The following LRRK2 variants were observed in gnomAD, a reference collection of about 807,000 sequenced individuals.
LRRK2 encodes leucine-rich repeat serine/threonine-protein kinase 2.
In LRRK2, 203 loss-of-function variants were observed where a neutral mutation model predicts 302.6. That is an observed-to-expected ratio of 0.67 (90% CI 0.60 to 0.75). LRRK2 has a LOEUF of 0.75. Among genes scored for constraint, LRRK2 ranks in the 30% least tolerant of loss-of-function variants. The pLI is 0.00. For synonymous variants in LRRK2, 1,066 were observed against 1,031.9 expected (o/e 1.03, Z -0.63); for missense variants, 2,830 against 2,951.0 (o/e 0.96, Z 0.95).
At chr12:40,351,866 C>A in intron 44 of LRRK2, 133 bp downstream of exon 44, 1 of 953,318 alleles carries the variant, frequency 1.0e-6, no homozygotes, top group Non-Finnish European at 1.6e-6. Context: ...CAAGAGTATT[C>A]AAGAGCAAAT....
intron 23 of LRRK2, among the ~76,000 whole-genome samples, chr12:40,298,034 A>G (rs982797424): frequency 4.6e-5 from 7 of 151,872 alleles, no homozygotes; most frequent in Admixed American, 2.6e-4. Flanking sequence ...TTTACAATCT[A>G]CCTGTTGTAA....
chr12:40,242,167 A>G (rs1035821147), intron 6 of LRRK2, among the ~76,000 whole-genome samples: 1 of 152,126 alleles, frequency 6.6e-6, no homozygotes, highest in African/African-American at 2.4e-5. Flanking sequence ...ACTGAAAAAC[A>G]TTTGCTTTTC....
In LRRK2 at chr12:40,251,220, A is replaced by AT. The variant is rs1942255515; in HGVS notation, c.959-5dup. The AT allele has an allele frequency of 6.6e-7, 1 of 1,516,380 alleles. No individual in the cohort carries two copies. Among genetic ancestry groups the AT allele is most frequent in the South Asian group, 1.2e-5 (1 of 82,462 alleles). The allele number at this position is 1,516,380 out of a possible 1,614,324, so 93.9% of individuals were successfully genotyped here. A position where few individuals can be genotyped will look rare whatever the true frequency, so the allele number is the denominator to read the frequency against. ...ATATAATGTTTTTATATATTTTTCA[A>AT]TTTTTTTCAAGCTGAGACTATTTTC... On this transcript the variant is annotated splice_polypyrimidine_tract_variant and intron_variant, in intron 8 of 50. Coordinates refer to ENST00000298910, the MANE Select transcript of LRRK2 (RefSeq NM_198578.4).
chr12:40,325,233 G>A lies in LRRK2; in HGVS notation c.5656+1927G>A, dbSNP rs547333462. On this transcript the variant is annotated intron_variant, in intron 38 of 50. Transcript: ENST00000298910. ...ACCTGGGAGGCGGAGGTTGCAGTGA[G>A]CCGAGGTTGTGCCACTGCACTCCAG... is the stretch of plus-strand genomic sequence containing the variant. Among the ~76,000 whole-genome samples the A allele has an allele frequency of 2.0e-4, 30 of 152,288 alleles. 1 individual carries two copies. The South Asian group carries it at 6.0e-3, about 30-fold the overall frequency.
chr12:40,323,447 T>C, intron 38 of LRRK2, 141 bp downstream of exon 38: 3 of 781,116 alleles, frequency 3.8e-6, no homozygotes, highest in South Asian at 2.0e-5. Flanking sequence ...TGGAATGATA[T>C]ATTTTAAAGG....
Position 40,364,988 on chromosome 12 carries a change from G to C in LRRK2, c.7328G>C (p.Arg2443Pro), listed in dbSNP as rs774151010. 6.2e-7 allele frequency: 1 copy of C among 1,612,574 alleles called. No individual in the cohort carries two copies. Among genetic ancestry groups the C allele is most frequent in the Non-Finnish European group, 8.5e-7 (1 of 1,179,068 alleles). Residue 2443 changes from arginine (R) to proline (P), a missense_variant, in exon 49 of 51, where the codon CGA becomes CCA. Physicochemically the swap from Arg to Pro is moderately radical, Grantham distance 103. Coordinates refer to ENST00000298910, the MANE Select transcript of LRRK2 (RefSeq NM_198578.4). ...HILLLDLSTR[R>P]LIRVIYNFCN... is the part of the protein sequence containing the mutation. ...TTACTCCTGGATCTTTCAACTCGTC[G>C]ACTTATACGTGTAATTTACAACTTT... is the stretch of plus-strand genomic sequence containing the variant.
At chr12:40,321,387 T>TATA (rs1274147786) in intron 35 of LRRK2, among the ~76,000 whole-genome samples, 199 bp downstream of exon 35, 4 of 152,020 alleles carry the variant, frequency 2.6e-5, no homozygotes, top group Admixed American at 1.3e-4. Flanking sequence ...CACAAGCACA[T>TATA]ATAACCTCAT....
chr12:40,348,526 G>A lies in LRRK2; in HGVS notation c.6381+17G>A, dbSNP rs563151766. 2 of 1,554,024 alleles carry A rather than the reference G, an allele frequency of 1.3e-6. No individual in the cohort carries two copies. The highest frequency in any genetic ancestry group is 2.2e-5 in the South Asian group (2 of 89,490). ...TCTGCCCAGGTATTCTTAAAGTTTT[G>A]TTAATATTTTGTACAGAACATCATT... On this transcript the variant is annotated intron_variant, in intron 43 of 50. Transcript: ENST00000298910.
chr12:40,328,485 T>C (rs746158424), intron 39 of LRRK2, 25 bp downstream of exon 39: 49 of 1,503,100 alleles, frequency 3.3e-5, no homozygotes, highest in Non-Finnish European at 4.4e-5. Context: ...AATATAATTA[T>C]ATTAAATTGC....
intron 28 of LRRK2, among the ~76,000 whole-genome samples, chr12:40,306,399 T>C (rs1944825536): frequency 6.6e-6 from 1 of 152,220 alleles, no homozygotes; most frequent in African/African-American, 2.4e-5. Flanking sequence ...TACTAACTTC[T>C]ATTTTGCCCA....
At chr12:40,238,312 C>A (rs1941564957) in intron 5 of LRRK2, among the ~76,000 whole-genome samples, 1 of 152,072 alleles carries the variant, frequency 6.6e-6, no homozygotes, top group Admixed American at 6.6e-5. Context: ...GGTTATAAAT[C>A]ATGCCCCTGG....
chr12:40,265,753 A>G (rs1445016998), intron 14 of LRRK2, among the ~76,000 whole-genome samples: 4 of 152,174 alleles, frequency 2.6e-5, no homozygotes, highest in Non-Finnish European at 5.9e-5. Flanking sequence ...TTCAAACTAT[A>G]CTACAAAGCT....
chr12:40,355,836 G>A (rs760130343), intron 45 of LRRK2, among the ~76,000 whole-genome samples: 12 of 152,176 alleles, frequency 7.9e-5, no homozygotes, highest in African/African-American at 2.6e-4. Context: ...GAGCCACCAC[G>A]CCAGGCCTCT....
intron 10 of LRRK2, among the ~76,000 whole-genome samples, chr12:40,252,120 T>C (rs1230468604): frequency 6.6e-6 from 1 of 152,192 alleles, no homozygotes; most frequent in East Asian, 1.9e-4. Flanking sequence ...GTTTTGTGCA[T>C]ATCAGGTTTG....
At chr12:40,352,989 G>T (rs12811206) in intron 44 of LRRK2, among the ~76,000 whole-genome samples, 2 of 152,240 alleles carry the variant, frequency 1.3e-5, no homozygotes, top group Non-Finnish European at 2.9e-5. Context: ...CCTCCCAGAC[G>T]GGGTGGCAGC....
intron 8 of LRRK2, among the ~76,000 whole-genome samples, 177 bp downstream of exon 8, chr12:40,250,122 C>T (rs1427761154): frequency 6.6e-6 from 1 of 152,198 alleles, no homozygotes; most frequent in Non-Finnish European, 1.5e-5. Context: ...CAAATATACA[C>T]ATCTCAATGT....
At chr12:40,353,692 A>T (rs1592330291) in intron 44 of LRRK2, among the ~76,000 whole-genome samples, 2 of 152,342 alleles carry the variant, frequency 1.3e-5, no homozygotes, top group Admixed American at 1.3e-4. Flanking sequence ...AGCCTGGGCA[A>T]CTTTGAGCAC....
intron 31 of LRRK2, among the ~76,000 whole-genome samples, chr12:40,313,261 G>A (rs1435264286): frequency 6.6e-6 from 1 of 151,940 alleles, no homozygotes; most frequent in African/African-American, 2.4e-5. Context: ...ACGTTTGGAA[G>A]ATACTTTTAT....
At chr12:40,320,939 G>T in intron 34 of LRRK2, 95 bp from the exon 35 acceptor site, 1 of 1,384,694 alleles carries the variant, frequency 7.2e-7, no homozygotes, top group South Asian at 1.2e-5. Context: ...TGTTTGGAAT[G>T]ATTACCTTCA....
Sources: allele counts gnomAD v4.1 joint callset (sites outside exome capture counted in the v4.1 genomes callset), GRCh38; gene constraint gnomAD v4.1.1; transcripts MANE v1.5; gene names NCBI Gene and HGNC (gene_info 2026-07-23, HGNC 2026-07-21).